LAMC3: variants seen among roughly 807,000 people sequenced by gnomAD.
The protein encoded by LAMC3 is laminin subunit gamma-3.
A neutral mutation model predicts 173.8 loss-of-function variants in LAMC3; 128 were observed. The observed-to-expected ratio is 0.74, with a 90% confidence interval of 0.64 to 0.85. LAMC3 has a LOEUF of 0.85. Among genes scored for constraint, LAMC3 ranks in the 40% least tolerant of loss-of-function variants. The probability of loss-of-function intolerance (pLI) is 0.00; values close to 1 mark genes in which losing one functional copy is unlikely to be tolerated. For synonymous variants in LAMC3, 897 were observed against 909.1 expected, an observed-to-expected ratio of 0.99 and a Z score of 0.24; for missense variants, 2,022 against 2,156.0, an observed-to-expected ratio of 0.94 and a Z score of 1.23.
intron 13 of LAMC3, among the ~76,000 whole-genome samples, chr9:131,064,434 CG>C (rs1829886509): frequency 1.3e-5 from 2 of 152,020 alleles, no homozygotes; most frequent in Admixed American, 6.6e-5. Context: ...GAGGCTGAGG[CG>C]GGCAGATCAC....
chr9:131,083,148 C>G (rs929153202), intron 24 of LAMC3, among the ~76,000 whole-genome samples: 5 of 152,196 alleles, frequency 3.3e-5, no homozygotes, highest in African/African-American at 1.2e-4. Context: ...GTCTTAAGGT[C>G]ATCTGCTGCA....
chr9:131,078,348 C>G (rs1830172083), intron 22 of LAMC3, among the ~76,000 whole-genome samples: 1 of 152,034 alleles, frequency 6.6e-6, no homozygotes, highest in Admixed American at 6.6e-5. Context: ...AAAAATTAGC[C>G]AGGCATGGTG....
At chr9:131,059,368 T>C (rs1272240291) in intron 12 of LAMC3, among the ~76,000 whole-genome samples, 1 of 151,156 alleles carries the variant, frequency 6.6e-6, no homozygotes, top group Non-Finnish European at 1.5e-5. Context: ...GGCGGGTGCC[T>C]GTAATCCCAT....
chr9:131,091,526 C>T lies in LAMC3; in HGVS notation c.4478-11C>T, dbSNP rs921769820. ...CTGGCTCACAGTGAGGCTGTTTGTGCCCCACCACAGGGTCGCTGGACACCC... is the reference window on the plus strand; with the variant it reads ...CTGGCTCACAGTGAGGCTGTTTGTGTCCCACCACAGGGTCGCTGGACACCC... On this transcript the variant is annotated splice_polypyrimidine_tract_variant and intron_variant, in intron 27 of 27. Coordinates refer to ENST00000361069, the MANE Select transcript of LAMC3 (RefSeq NM_006059.4). 1.3e-6 allele frequency: 2 copies of T among 1,571,820 alleles called. No individual in the cohort carries two copies. The highest frequency in any genetic ancestry group is 8.6e-7 in the Non-Finnish European group (1 of 1,159,554).
Position 131,025,924 on chromosome 9 carries a change from GA to G in LAMC3, c.374-358del, listed in dbSNP as rs200767996. Reference sequence around the variant, plus strand: ...TCAGCTTCGTTGGGGTGTAGTAAAAGAAATAACTTTCTAACGGTAGAGCAGG... The same window carrying G: ...TCAGCTTCGTTGGGGTGTAGTAAAAGAATAACTTTCTAACGGTAGAGCAGG... On this transcript the variant is annotated intron_variant, in intron 1 of 27. Coordinates refer to ENST00000361069, the MANE Select transcript of LAMC3 (RefSeq NM_006059.4). 7.7e-3 allele frequency among the ~76,000 whole-genome samples: 1,174 copies of G among 152,326 alleles called. 7 individuals carry two copies. The highest frequency in any genetic ancestry group is 0.014 in the Admixed American group (214 of 15,296).
In LAMC3 at chr9:131,029,133, C is replaced by G. The variant is rs1199050942; in HGVS notation, c.678+2544C>G. 1.3e-5 allele frequency among the ~76,000 whole-genome samples: 2 copies of G among 152,240 alleles called. No homozygotes were observed. The highest frequency in any genetic ancestry group is 2.9e-5 in the Non-Finnish European group (2 of 68,058). On this transcript the variant is annotated intron_variant, in intron 2 of 27. Transcript: ENST00000361069. The surrounding 1 kb of genome is among the most constrained non-coding windows in gnomAD (Gnocchi z 4.6). Reference sequence around the variant, plus strand: ...ACCTAGTGTGGCCCAAGGGAAGACCCTCTTATCAGGAGGGACATCCAAGGA... The same window carrying G: ...ACCTAGTGTGGCCCAAGGGAAGACCGTCTTATCAGGAGGGACATCCAAGGA...
chr9:131,041,789 G>A (rs1834062493), intron 7 of LAMC3, 54 bp downstream of exon 7: 3 of 1,476,778 alleles, frequency 2.0e-6, no homozygotes, highest in South Asian at 2.3e-5. Context: ...GGGGCTCACT[G>A]ATGAGGCACC....
rs772636792 is a variant in LAMC3, at chr9:131,032,100, G to A, written c.734G>A (p.Gly245Glu). 3.1e-6 allele frequency: 5 copies of A among 1,613,930 alleles called. No individual in the cohort carries two copies. In the South Asian group the frequency reaches 5.5e-5, roughly 18 times the overall value. The change falls in exon 3 of 28, where the codon GGG becomes GAG. Residue 245 changes from glycine to glutamate, a missense_variant. By Grantham distance (98) the Gly-to-Glu change is moderately conservative (BLOSUM62 -2). Coordinates refer to ENST00000361069, the MANE Select transcript of LAMC3 (RefSeq NM_006059.4). ...LISLDRLNTF[G>E]DDIFKDPKVL... ...TCTCTAGACCGGCTCAACACGTTTG[G>A]GGACGACATCTTCAAGGACCCCAAG...
intron 17 of LAMC3, 83 bp downstream of exon 17, chr9:131,069,933 G>C: frequency 7.2e-7 from 1 of 1,384,082 alleles, no homozygotes; most frequent in Non-Finnish European, 1.0e-6. Context: ...ACCAGGAACT[G>C]CCTGCTTACC....
In LAMC3 at chr9:131,067,114, C is replaced by T. The variant is rs541818567; in HGVS notation, c.2502C>T (p.Cys834=). ...CDPLSGHCLR[C]LHNTTGDHCE... is the part of the protein sequence containing the mutation. Reference sequence around the variant, plus strand: ...CCCTGTCTGGCCACTGCCTGCGCTGCCTGCACAACACCACGGGTGACCACT... The same window carrying T: ...CCCTGTCTGGCCACTGCCTGCGCTGTCTGCACAACACCACGGGTGACCACT... The change falls in exon 14 of 28, where the codon TGC becomes TGT. Residue 834 remains cysteine, a synonymous_variant. Coordinates refer to ENST00000361069, the MANE Select transcript of LAMC3 (RefSeq NM_006059.4). 6.6e-5 allele frequency: 106 copies of T among 1,614,180 alleles called. 2 individuals carry two copies. In the South Asian group the frequency reaches 1.0e-3, roughly 16 times the overall value.
chr9:131,080,270 C>G (rs1830214740), intron 23 of LAMC3: 1 of 149,476 alleles, frequency 6.7e-6, no homozygotes, highest in South Asian at 2.1e-4. Context: ...GCCACCACAC[C>G]CAGCCTCATT....
chr9:131,068,829 C>T, intron 15 of LAMC3, 79 bp from the exon 16 acceptor site: 1 of 1,555,712 alleles, frequency 6.4e-7, no homozygotes, highest in Non-Finnish European at 8.8e-7. Context: ...TCTGAGGCCC[C>T]AGCCAGCTGC....
intron 20 of LAMC3, 127 bp from the exon 21 acceptor site, chr9:131,075,704 G>T (rs1004975439): frequency 4.8e-6 from 5 of 1,033,262 alleles, no homozygotes; most frequent in Non-Finnish European, 5.7e-6. Context: ...TGGAAAAGGC[G>T]TACCTGTCTT....
At position 131,028,072 on chromosome 9, in the gene LAMC3, C is replaced by T. The variant is rs950259449; in HGVS notation, c.678+1483C>T. Among the ~76,000 whole-genome samples the T allele has an allele frequency of 7.2e-5, 11 of 152,214 alleles. 1 individual carries two copies. Among genetic ancestry groups the T allele is most frequent in the African/African-American group, 2.7e-4 (11 of 41,450 alleles). ...CAAGTCACACAGCAGGAGATGAGCG[C>T]GGGCAGGTGAGCTTTCCTGCCTGAG... On this transcript the variant is annotated intron_variant, in intron 2 of 27. Transcript: ENST00000361069.
At chr9:131,055,245 T>C (rs1272537690) in intron 11 of LAMC3, among the ~76,000 whole-genome samples, 1 of 152,110 alleles carries the variant, frequency 6.6e-6, no homozygotes, top group African/African-American at 2.4e-5. Context: ...ATGAGGAGTG[T>C]CGGCCGCCTC....
At chr9:131,052,441 A>G in intron 9 of LAMC3, 50 bp from the exon 10 acceptor site, 1 of 1,478,940 alleles carries the variant, frequency 6.8e-7, no homozygotes, top group Non-Finnish European at 9.5e-7. Flanking sequence ...GACATTTAAA[A>G]TCAAGCTAAC....
At position 131,026,437 on chromosome 9, in the gene LAMC3, G is replaced by A. The variant is rs373575232; in HGVS notation, c.526G>A (p.Gly176Ser). The change falls in exon 2 of 28, where the codon GGC becomes AGC. Residue 176 changes from glycine to serine, a missense_variant. Physicochemically the swap from Gly to Ser is moderately conservative, Grantham distance 56. Coordinates refer to ENST00000361069, the MANE Select transcript of LAMC3 (RefSeq NM_006059.4). The surrounding 1 kb of genome is among the most constrained non-coding windows in gnomAD (Gnocchi z 4.8). Reference sequence around the variant, plus strand: ...CCAGAAGACCTACGGCCGGCCCGAGGGCCAGTACCTGCGCCCCGGCGAGGA... The same window carrying A: ...CCAGAAGACCTACGGCCGGCCCGAGAGCCAGTACCTGCGCCCCGGCGAGGA... ...SCQKTYGRPEGQYLRPGEDER... is the reference protein window; with the variant it reads ...SCQKTYGRPESQYLRPGEDER... The A allele has an allele frequency of 4.0e-5, 65 of 1,613,606 alleles. No homozygotes were observed. Among genetic ancestry groups the A allele is most frequent in the Middle Eastern group, 3.3e-4 (2 of 6,084 alleles).
Position 131,009,626 on chromosome 9 carries a change from T to C in LAMC3, c.373+39T>C. On this transcript the variant is annotated intron_variant, in intron 1 of 27. Transcript: ENST00000361069. The surrounding 1 kb of genome is among the most constrained non-coding windows in gnomAD (Gnocchi z 4.3). ...GGGGGCACCGCCACCGCACCCCGTG[T>C]CCCCACTCCACTGGGGGTCTGAGGC... 6.5e-7 allele frequency: 1 copy of C among 1,550,316 alleles called. No individual in the cohort carries two copies. The highest frequency in any genetic ancestry group is 8.7e-7 in the Non-Finnish European group (1 of 1,149,622).
intron 2 of LAMC3, 112 bp from the exon 3 acceptor site, chr9:131,031,932 TC>T: frequency 6.3e-7 from 1 of 1,590,086 alleles, no homozygotes; most frequent in Non-Finnish European, 8.6e-7. Context: ...CTCGGCCTGT[TC>T]CTGTGTCCCA....
Sources: gnomAD v4.1 joint callset for allele counts (sites outside exome capture counted in the v4.1 genomes callset) on GRCh38, gnomAD v4.1.1 for gene constraint, Gnocchi (gnomAD v3.1) non-coding constraint, MANE v1.5 for transcripts, NCBI Gene and HGNC (gene_info 2026-07-23, HGNC 2026-07-21) for gene names.